Variants in ANKRD30B observed in about 807,000 individuals in gnomAD.
ANKRD30B encodes the protein ankyrin repeat domain-containing protein 30B.
A neutral mutation model predicts 202.2 loss-of-function variants in ANKRD30B; 144 were observed. The observed-to-expected ratio is 0.71, with a 90% CI of 0.62 to 0.82. The LOEUF is 0.82. ANKRD30B is among the 40% of genes least tolerant of loss of function. The pLI, the probability that ANKRD30B is intolerant of heterozygous loss-of-function variation, is 0.00. For missense variants in ANKRD30B, 1,487 were observed against 1,669.1 expected, an observed-to-expected ratio of 0.89 and a Z score of 1.90; for synonymous variants, 508 against 561.3, an observed-to-expected ratio of 0.91 and a Z score of 1.34.
chr18:14,876,383 G>T, the ANKRD30B span, among the ~76,000 whole-genome samples: 3 of 152,064 alleles, frequency 2.0e-5, no homozygotes, highest in African/African-American at 7.3e-5. Context: ...CTTCAAGTGT[G>T]TCCAAGAAGA....
the ANKRD30B span, among the ~76,000 whole-genome samples, chr18:14,868,884 C>T: frequency 0.95 from 143,790 of 151,416 alleles, 68,294 homozygotes; most frequent in East Asian, 1. Context: ...CTGGGACTCT[C>T]CTGTTGGTGT....
intron 9 of ANKRD30B, 45 bp from the exon 10 acceptor site, chr18:14,777,940 A>C: frequency 1.4e-6 from 2 of 1,445,688 alleles, no homozygotes. Flanking sequence ...CAAAAAAACA[A>C]AAAAAGGAAA....
chr18:14,856,577 G>A (rs1972114849), downstream of ANKRD30B, among the ~76,000 whole-genome samples: 1 of 54,450 alleles, frequency 1.8e-5, no homozygotes, highest in Non-Finnish European at 3.9e-5. Flanking sequence ...AGATGGGGCG[G>A]CCGGGCAGAG....
At chr18:14,821,983 C>T (rs144528498) in intron 30 of ANKRD30B, among the ~76,000 whole-genome samples, 4,606 of 152,186 alleles carry the variant, frequency 0.03, 261 homozygotes, top group African/African-American at 0.11. Flanking sequence ...GAATTCTCAT[C>T]GGAGCTTTGC....
the ANKRD30B span, among the ~76,000 whole-genome samples, chr18:14,880,605 G>A: frequency 5.4e-5 from 7 of 130,404 alleles, no homozygotes; most frequent in African/African-American, 1.4e-4. Context: ...CGCTCTTGTC[G>A]CTGAGGTGGG....
the ANKRD30B span, among the ~76,000 whole-genome samples, chr18:14,916,381 G>A: frequency 1.3e-5 from 2 of 152,216 alleles, no homozygotes; most frequent in African/African-American, 2.4e-5. Context: ...CTCTTACCAA[G>A]TACTGAGCCT....
chr18:14,797,031 C>T (rs1968949714), intron 18 of ANKRD30B, among the ~76,000 whole-genome samples: 2 of 152,128 alleles, frequency 1.3e-5, no homozygotes, highest in Non-Finnish European at 1.5e-5. Flanking sequence ...TATTAATCAG[C>T]AGTAACAGTT....
intron 8 of ANKRD30B, among the ~76,000 whole-genome samples, chr18:14,770,902 G>T (rs2143794357): frequency 6.6e-6 from 1 of 152,188 alleles, no homozygotes; most frequent in South Asian, 2.1e-4. Flanking sequence ...TCTCACAAGA[G>T]TGGCTTAGAG....
At chr18:14,868,876 G>A in the ANKRD30B span, among the ~76,000 whole-genome samples, 3 of 152,202 alleles carry the variant, frequency 2.0e-5, no homozygotes, top group African/African-American at 2.4e-5. Context: ...AAGTGATGCT[G>A]GGACTCTCCT....
intron 3 of ANKRD30B, among the ~76,000 whole-genome samples, chr18:14,754,169 T>C (rs1461762514): frequency 6.6e-6 from 1 of 152,136 alleles, no homozygotes; most frequent in Non-Finnish European, 1.5e-5. Context: ...GCCACTTCCT[T>C]AGTGACCCAT....
At chr18:14,890,677 C>G in the ANKRD30B span, among the ~76,000 whole-genome samples, 3 of 146,822 alleles carry the variant, frequency 2.0e-5, no homozygotes, top group African/African-American at 7.5e-5. Context: ...TTATGGCTAA[C>G]AGAATAGCTC....
At chr18:14,914,645 G>A in the ANKRD30B span, among the ~76,000 whole-genome samples, 1 of 152,154 alleles carries the variant, frequency 6.6e-6, no homozygotes, top group Non-Finnish European at 1.5e-5. Flanking sequence ...ATTGAATTAT[G>A]GGGTGAGGGG....
At chr18:14,778,529 G>T (rs546368540) in intron 10 of ANKRD30B, among the ~76,000 whole-genome samples, 1 of 152,168 alleles carries the variant, frequency 6.6e-6, no homozygotes, top group Non-Finnish European at 1.5e-5. Context: ...CTTTCTCACC[G>T]GTGGGAAGGC....
chr18:14,786,926 A>C, intron 14 of ANKRD30B, 113 bp from the exon 15 acceptor site: 1 of 1,037,896 alleles, frequency 9.6e-7, no homozygotes, highest in Non-Finnish European at 1.4e-6. Context: ...AAGAATATAC[A>C]GGCTACAGAG....
chr18:14,816,021 G>C (rs1298891279), intron 30 of ANKRD30B: 1 of 152,154 alleles, frequency 6.6e-6, no homozygotes, highest in Non-Finnish European at 1.5e-5. Flanking sequence ...TCTACATTCA[G>C]CTGAACTCTC....
At chr18:14,811,226 G>A (rs1184371681) in intron 28 of ANKRD30B, among the ~76,000 whole-genome samples, 4 of 151,304 alleles carry the variant, frequency 2.6e-5, no homozygotes, top group African/African-American at 9.7e-5. Flanking sequence ...ATGGCGTCTC[G>A]CTGTCTCGCC....
chr18:14,831,107 G>C (rs1598693303), intron 33 of ANKRD30B, among the ~76,000 whole-genome samples: 1 of 139,988 alleles, frequency 7.1e-6, no homozygotes, highest in South Asian at 2.4e-4. Flanking sequence ...TGAACCCCGG[G>C]AGGCAGAGCT....
chr18:14,748,717 T>C, intron 1 of ANKRD30B, 77 bp downstream of exon 1: 1 of 1,348,488 alleles, frequency 7.4e-7, no homozygotes, highest in Non-Finnish European at 9.9e-7. Context: ...GAGTGGTGGC[T>C]GGGGGTCCTG....
At chr18:14,835,827 T>G (rs1483350155) in intron 34 of ANKRD30B, among the ~76,000 whole-genome samples, 10 of 151,994 alleles carry the variant, frequency 6.6e-5, no homozygotes, top group Non-Finnish European at 1.5e-4. Context: ...TATAATTCTA[T>G]GGGTAAGCAT....
Sources: gnomAD v4.1 joint callset for allele counts (sites outside exome capture counted in the v4.1 genomes callset) on GRCh38, gnomAD v4.1.1 for gene constraint, MANE v1.5 for transcripts, NCBI Gene and HGNC (gene_info 2026-07-23, HGNC 2026-07-21) for gene names.